RASGRP1: variants seen among roughly 807,000 people sequenced by gnomAD.
The protein encoded by RASGRP1 is RAS guanyl-releasing protein 1.
A neutral mutation model predicts 95.1 loss-of-function variants in RASGRP1; 37 were observed. The observed-to-expected ratio is 0.39, with a 90% CI of 0.30 to 0.51. The LOEUF (loss-of-function observed/expected upper bound fraction) is 0.51. RASGRP1 is among the 20% of genes least tolerant of loss of function. The probability of loss-of-function intolerance (pLI) is 0.80; values close to 1 mark genes in which losing one functional copy is unlikely to be tolerated. For missense variants in RASGRP1, 711 were observed against 965.4 expected (o/e 0.74, Z 3.49); for synonymous variants, 325 against 353.4 (o/e 0.92, Z 0.90).
chr15:38,545,664 A>C (rs1276535302), intron 2 of RASGRP1, among the ~76,000 whole-genome samples: 1 of 152,014 alleles, frequency 6.6e-6, no homozygotes. Flanking sequence ...ATGAGCTGAC[A>C]AGCAGAGAGA....
intron 3 of RASGRP1, chr15:38,524,341 C>T (rs1198429697): frequency 6.6e-6 from 1 of 152,214 alleles, no homozygotes; most frequent in African/African-American, 2.4e-5. Flanking sequence ...AAATCACCCA[C>T]AGAAAGGAAG....
intron 1 of RASGRP1, among the ~76,000 whole-genome samples, chr15:38,563,001 A>G (rs755273532): frequency 2.0e-4 from 31 of 152,206 alleles, no homozygotes; most frequent in Non-Finnish European, 4.3e-4. Context: ...AGAGACTCAG[A>G]GGACTAGGCC....
In RASGRP1 at chr15:38,490,676, G is replaced by C. The variant is rs536145017; in HGVS notation, c.2272C>G (p.Leu758Val). ...YQELEQEINT[L>V]KADNDALKIQ... is the part of the protein sequence containing the mutation. ...TTTAGGGCATCATTATCTGCTTTCA[G>C]AGTATTTATTTCCTAAAGGGAAAGG... Residue 758 changes from leucine to valine, a missense_variant, in exon 17 of 17, where the codon CTG becomes GTG. Leu to Val is a conservative substitution (Grantham distance 32). Coordinates refer to ENST00000310803, the MANE Select transcript of RASGRP1 (RefSeq NM_005739.4). The C allele has an allele frequency of 3.7e-6, 6 of 1,610,494 alleles. No individual in the cohort carries two copies. Among genetic ancestry groups the C allele is most frequent in the Non-Finnish European group, 5.1e-6 (6 of 1,177,888 alleles).
At chr15:38,557,631 A>G (rs11852813) in intron 2 of RASGRP1, among the ~76,000 whole-genome samples, 6,953 of 104,552 alleles carry the variant, frequency 0.067, 377 homozygotes, top group African/African-American at 0.2. Flanking sequence ...GTGTGTGTGT[A>G]TATATATATA....
At chr15:38,516,083 C>G (rs1595847889) in intron 6 of RASGRP1, 114 bp downstream of exon 6, 1 of 1,262,922 alleles carries the variant, frequency 7.9e-7, no homozygotes, top group Non-Finnish European at 1.1e-6. Flanking sequence ...GCAGGAAAGC[C>G]TGCCACGACT....
intron 6 of RASGRP1, among the ~76,000 whole-genome samples, chr15:38,514,112 A>T (rs181160064): frequency 3.5e-4 from 52 of 147,532 alleles, no homozygotes; most frequent in Admixed American, 3.3e-3. Flanking sequence ...GAGATTGTAC[A>T]GGAGGTGGGT....
chr15:38,533,897 A>G (rs571948597), intron 2 of RASGRP1, among the ~76,000 whole-genome samples: 1 of 152,350 alleles, frequency 6.6e-6, no homozygotes, highest in South Asian at 2.1e-4. Context: ...CACTATGGCC[A>G]GTTTCAAGCT....
Position 38,503,341 on chromosome 15 carries a change from G to T in RASGRP1, c.1359C>A (p.Asp453Glu). ...GTTTGGGAGACACTCCAGAAGCCCA[G>T]TCCACTACTACTGGTGGCTTTGAAG... is the stretch of plus-strand genomic sequence containing the variant. ...LTPSKPPVVV[D>E]WASGVSPKPD... The change falls in exon 11 of 17, where the codon GAC becomes GAA. Residue 453 changes from aspartate (D) to glutamate (E), a missense_variant. Coordinates refer to ENST00000310803, the MANE Select transcript of RASGRP1 (RefSeq NM_005739.4). 6.2e-7 allele frequency: 1 copy of T among 1,612,336 alleles called. No individual in the cohort carries two copies.
intron 2 of RASGRP1, among the ~76,000 whole-genome samples, chr15:38,553,627 T>C (rs1893424054): frequency 6.6e-6 from 1 of 152,230 alleles, no homozygotes; most frequent in African/African-American, 2.4e-5. Flanking sequence ...ACTAGGAATA[T>C]GGCCTTTGAA....
At position 38,515,887 on chromosome 15, in the gene RASGRP1, C is replaced by CAGAGAGAGAG. The variant is rs34032922; in HGVS notation, c.675+300_675+309dup. Among the ~76,000 whole-genome samples, 583 of 140,970 alleles carry CAGAGAGAGAG rather than the reference C, an allele frequency of 4.1e-3. 5 individuals are homozygous for CAGAGAGAGAG. Among genetic ancestry groups the CAGAGAGAGAG allele is most frequent in the African/African-American group, 0.015 (546 of 37,408 alleles). The allele number at this position is 140,970 out of a possible 152,430, so 92.5% of individuals were successfully genotyped here. On this transcript the variant is annotated intron_variant, in intron 6 of 16. Transcript: ENST00000310803. ...GGGTATGAGGGTAGAATGAGAGAGA[C>CAGAGAGAGAG]AGAGAGAGAGAGAGAGAGAGAGAGT...
chr15:38,529,920 A>T (rs1892375306), intron 2 of RASGRP1, among the ~76,000 whole-genome samples: 2 of 152,246 alleles, frequency 1.3e-5, no homozygotes, highest in South Asian at 2.1e-4. Context: ...ATTTTTAAAA[A>T]GTGTTCATCT....
At chr15:38,536,985 C>A (rs1251709993) in intron 2 of RASGRP1, among the ~76,000 whole-genome samples, 1 of 152,164 alleles carries the variant, frequency 6.6e-6, no homozygotes, top group Non-Finnish European at 1.5e-5. Context: ...AGCACTATAA[C>A]AGTGATGAAT....
In RASGRP1 at chr15:38,535,042, C is replaced by T. The variant is rs550099793; in HGVS notation, c.221-8638G>A. On this transcript the variant is annotated intron_variant, in intron 2 of 16. Coordinates refer to ENST00000310803, the MANE Select transcript of RASGRP1 (RefSeq NM_005739.4). Reference sequence around the variant, plus strand: ...GAGAACACCTGATAATGATATGTTACGTTTTTGTGGCACTTAGGTTCAACA... The same window carrying T: ...GAGAACACCTGATAATGATATGTTATGTTTTTGTGGCACTTAGGTTCAACA... Among the ~76,000 whole-genome samples the T allele has an allele frequency of 8.5e-5, 13 of 152,284 alleles. No homozygotes were observed. In the South Asian group the frequency reaches 2.7e-3, roughly 32 times the overall value.
chr15:38,497,006 C>T (rs1381348202), intron 15 of RASGRP1, among the ~76,000 whole-genome samples: 3 of 152,188 alleles, frequency 2.0e-5, no homozygotes, highest in African/African-American at 4.8e-5. Context: ...ACATATGGTA[C>T]ATACGTGTTA....
chr15:38,528,656 G>A (rs1038294287), intron 2 of RASGRP1, among the ~76,000 whole-genome samples: 2 of 151,922 alleles, frequency 1.3e-5, no homozygotes, highest in East Asian at 1.9e-4. Flanking sequence ...GAGTCCTCCC[G>A]CTTTTTCTTT....
chr15:38,500,230 C>T lies in RASGRP1; in HGVS notation c.1684-91G>A, dbSNP rs1018346539. On this transcript the variant is annotated intron_variant, in intron 13 of 16. Coordinates refer to ENST00000310803, the MANE Select transcript of RASGRP1 (RefSeq NM_005739.4). ...CATTCCTTTATTTTCCTTCATTTTA[C>T]TCTCTAGCTCAAGTGGGAAGGAAAC... The T allele has an allele frequency of 3.0e-6, 4 of 1,329,512 alleles. No homozygotes were observed. In the Admixed American group the frequency reaches 6.9e-5, roughly 23 times the overall value. The allele number at this position is 1,329,512 out of a possible 1,614,324, so 82.4% of individuals were successfully genotyped here.
At chr15:38,556,420 T>A (rs527359896) in intron 2 of RASGRP1, among the ~76,000 whole-genome samples, 19 of 152,336 alleles carry the variant, frequency 1.2e-4, no homozygotes, top group African/African-American at 4.6e-4. Context: ...TGGTAATTAA[T>A]GGTTAATAAT....
intron 7 of RASGRP1, 70 bp downstream of exon 7, chr15:38,512,713 A>C: frequency 6.3e-7 from 1 of 1,576,034 alleles, no homozygotes; most frequent in Non-Finnish European, 8.7e-7. Flanking sequence ...TTAATAGACT[A>C]AGCTGGAGGA....
chr15:38,540,642 T>C (rs1566932451), intron 2 of RASGRP1, among the ~76,000 whole-genome samples: 1 of 152,188 alleles, frequency 6.6e-6, no homozygotes, highest in Non-Finnish European at 1.5e-5. Flanking sequence ...TGTTAATGTC[T>C]CTGGCATTTA....
Sources: allele counts gnomAD v4.1 joint callset (sites outside exome capture counted in the v4.1 genomes callset), GRCh38; gene constraint gnomAD v4.1.1; transcripts MANE v1.5; gene names NCBI Gene and HGNC (gene_info 2026-07-23, HGNC 2026-07-21).